POR: variants seen among roughly 807,000 people sequenced by gnomAD.
POR encodes the protein cytochrome p450 oxidoreductase, also known as NADPH--cytochrome P450 reductase.
Under a neutral mutation model 84.0 loss-of-function variants are expected in POR, and 56 were observed. That is an observed-to-expected ratio of 0.67 (90% CI 0.54 to 0.83). The LOEUF is 0.83. Among genes scored for constraint, POR ranks in the 40% least tolerant of loss-of-function variants. POR has a pLI of 0.00. For missense variants in POR, 938 were observed against 944.3 expected (o/e 0.99, Z 0.09); for synonymous variants, 414 against 400.5 (o/e 1.03, Z -0.40).
chr7:75,981,004 C>T, intron 5 of POR, 44 bp from the exon 6 acceptor site: 1 of 1,515,008 alleles, frequency 6.6e-7, no homozygotes, highest in Non-Finnish European at 8.9e-7. Context: ...TCCCACTGGT[C>T]AGGTCGAGGG....
At position 75,986,556 on chromosome 7, in the gene POR, G is replaced by T; in HGVS notation, c.*75G>T. ...TCCTGGCTCCCTCCCGTAGTCTCCT[G>T]GGTGTGTTTGGCTTGGCCTTGGCAT... On this transcript the variant is annotated 3_prime_UTR_variant, in exon 16 of 16. Coordinates refer to ENST00000461988, the MANE Select transcript of POR (RefSeq NM_000941.3). 6.5e-7 allele frequency: 1 copy of T among 1,530,976 alleles called. No individual in the cohort carries two copies. The highest frequency in any genetic ancestry group is 8.8e-7 in the Non-Finnish European group (1 of 1,140,890). 94.8% of individuals were successfully genotyped at this position (1,530,976 alleles called of 1,614,324 possible).
intron 2 of POR, among the ~76,000 whole-genome samples, chr7:75,968,463 CATGCAAATCCAGGTCTGAGGTCCTCCG>C (rs1385389861): frequency 1.3e-5 from 2 of 152,228 alleles, no homozygotes; most frequent in Non-Finnish European, 2.9e-5. Context: ...TCAGGTCCCC[CATGCAAATCCAGGTCTGAGGTCCTCCG>C]ATGGAATGGA....
chr7:75,941,289 C>T (rs905814685), intron 1 of POR, among the ~76,000 whole-genome samples: 5 of 152,110 alleles, frequency 3.3e-5, no homozygotes, highest in South Asian at 2.1e-4. Flanking sequence ...ACACGATGGC[C>T]GAGTAGTCTA....
At chr7:75,942,463 T>C (rs1554551631) in intron 1 of POR, among the ~76,000 whole-genome samples, 1 of 152,124 alleles carries the variant, frequency 6.6e-6, no homozygotes, top group African/African-American at 2.4e-5. Context: ...TATAGATTTT[T>C]TTTTTTAGAT....
intron 2 of POR, among the ~76,000 whole-genome samples, chr7:75,961,246 A>G (rs1787925609): frequency 6.7e-6 from 1 of 148,304 alleles, no homozygotes; most frequent in South Asian, 2.2e-4. Context: ...AGGCAGTATC[A>G]AATAAAAACT....
intron 1 of POR, among the ~76,000 whole-genome samples, chr7:75,929,824 T>A (rs1807323040): frequency 6.6e-6 from 1 of 152,174 alleles, no homozygotes; most frequent in Non-Finnish European, 1.5e-5. Flanking sequence ...GACTCCGTGG[T>A]CCTCTATGCA....
chr7:75,919,248 A>G (rs1806730413), intron 1 of POR, among the ~76,000 whole-genome samples: 1 of 152,098 alleles, frequency 6.6e-6, no homozygotes, highest in Non-Finnish European at 1.5e-5. Context: ...GGAAATTTTT[A>G]CTGTGTCTAA....
intron 1 of POR, among the ~76,000 whole-genome samples, chr7:75,918,914 G>C (rs1466898060): frequency 6.6e-6 from 1 of 152,000 alleles, no homozygotes; most frequent in African/African-American, 2.4e-5. Flanking sequence ...GGTGGCACTT[G>C]TCTGAAATGG....
chr7:75,946,502 G>T (rs888926232), intron 1 of POR, among the ~76,000 whole-genome samples: 1 of 152,084 alleles, frequency 6.6e-6, no homozygotes, highest in African/African-American at 2.4e-5. Flanking sequence ...TACCCAGGTT[G>T]GTCTCAAACT....
At position 75,986,322 on chromosome 7, in the gene POR, CCT is replaced by C. The variant is rs1789462398; in HGVS notation, c.1899-12_1899-11del. On this transcript the variant is annotated splice_polypyrimidine_tract_variant and intron_variant, in intron 15 of 15. Coordinates refer to ENST00000461988, the MANE Select transcript of POR (RefSeq NM_000941.3). ...ACAGTTGGCCCAGCCCCCAGCACCC[CCT>C]CTTCCTGCCCAGGGATGCACGGAAC... is the stretch of plus-strand genomic sequence containing the variant. 5 of 1,612,342 alleles carry C rather than the reference CCT, an allele frequency of 3.1e-6. No individual in the cohort carries two copies. The highest frequency in any genetic ancestry group is 4.2e-6 in the Non-Finnish European group (5 of 1,179,800).
intron 3 of POR, 178 bp downstream of exon 3, chr7:75,972,639 T>G (rs1788494753): frequency 1.4e-6 from 1 of 693,148 alleles, no homozygotes; most frequent in Non-Finnish European, 2.6e-6. Flanking sequence ...GAAGCAGCTC[T>G]GCTGTTGCTG....
intron 10 of POR, 122 bp downstream of exon 10, chr7:75,983,978 C>T: frequency 2.7e-6 from 2 of 751,210 alleles, no homozygotes; most frequent in South Asian, 1.9e-5. Flanking sequence ...GGCCCTTGCA[C>T]CGAGACTCCA....
At chr7:75,950,116 C>T (rs1416241711) in intron 1 of POR, among the ~76,000 whole-genome samples, 3 of 150,220 alleles carry the variant, frequency 2.0e-5, no homozygotes, top group Admixed American at 1.3e-4. Flanking sequence ...GTGATCCACC[C>T]GCCTTGGCCT....
At chr7:75,981,278 C>A in intron 6 of POR, 106 bp downstream of exon 6, 1 of 1,419,088 alleles carries the variant, frequency 7.0e-7, no homozygotes, top group South Asian at 1.5e-5. Context: ...CAGCGACACG[C>A]ACCTCCAACA....
At position 75,942,990 on chromosome 7, in the gene POR, C is replaced by T. The variant is rs193077313; in HGVS notation, c.-4-10999C>T. Among the ~76,000 whole-genome samples the T allele has an allele frequency of 5.0e-3, 745 of 150,060 alleles. 5 individuals are homozygous for T. Among genetic ancestry groups the T allele is most frequent in the Non-Finnish European group, 6.2e-3 (418 of 67,714 alleles). Reference sequence around the variant, plus strand: ...TTATTGAGATGGAGTCTTGCTCTGTCACCCAGGCTGGAGTGCAGTGGCATG... The same window carrying T: ...TTATTGAGATGGAGTCTTGCTCTGTTACCCAGGCTGGAGTGCAGTGGCATG... On this transcript the variant is annotated intron_variant, in intron 1 of 15. Coordinates refer to ENST00000461988, the MANE Select transcript of POR (RefSeq NM_000941.3).
At position 75,931,804 on chromosome 7, in the gene POR, T is replaced by A. The variant is rs921729998; in HGVS notation, c.-5+16625T>A. On this transcript the variant is annotated intron_variant, in intron 1 of 15. Coordinates refer to ENST00000461988, the MANE Select transcript of POR (RefSeq NM_000941.3). ...AACCACTACCAGACTCACCCACACA[T>A]GAACCGGCTCCCACCATCTGTTCTG... Among the ~76,000 whole-genome samples, 6 of 152,190 alleles carry A rather than the reference T, an allele frequency of 3.9e-5. 1 individual carries two copies. The highest frequency in any genetic ancestry group is 2.6e-4 in the Admixed American group (4 of 15,268).
chr7:75,930,533 C>T lies in POR; in HGVS notation c.-5+15354C>T, dbSNP rs544821700. ...TAAATGTAAACAAGGAAATAGAAAA[C>T]GTTTATACTGATGGAGTCTCGCTGT... On this transcript the variant is annotated intron_variant, in intron 1 of 15. Coordinates refer to ENST00000461988, the MANE Select transcript of POR (RefSeq NM_000941.3). Among the ~76,000 whole-genome samples the T allele has an allele frequency of 5.3e-5, 8 of 152,002 alleles. No individual in the cohort carries two copies. The East Asian group carries it at 1.4e-3, about 26-fold the overall frequency.
intron 1 of POR, among the ~76,000 whole-genome samples, chr7:75,926,709 G>A (rs565282800): frequency 3.9e-5 from 6 of 152,240 alleles, no homozygotes; most frequent in East Asian, 1.9e-4. Context: ...CAGGAGAATC[G>A]CTTGAACCCG....
chr7:75,964,369 G>T (rs547843666), intron 2 of POR, among the ~76,000 whole-genome samples: 2 of 150,896 alleles, frequency 1.3e-5, no homozygotes, highest in South Asian at 2.1e-4. Flanking sequence ...GTGCAATGGC[G>T]CAATCTCGGC....
Sources: allele counts gnomAD v4.1 joint callset (sites outside exome capture counted in the v4.1 genomes callset), GRCh38; gene constraint gnomAD v4.1.1; transcripts MANE v1.5; gene names NCBI Gene and HGNC (gene_info 2026-07-23, HGNC 2026-07-21).